ZNF804B: variants seen among roughly 807,000 people sequenced by gnomAD.
ZNF804B encodes zinc finger 804B.
ZNF804B carries 80 observed loss-of-function variants against 101.4 expected under a neutral mutation model. The ratio of observed to expected loss-of-function variants is 0.79; its 90% CI spans 0.66 to 0.95. The LOEUF (loss-of-function observed/expected upper bound fraction) is 0.95. Among genes scored for constraint, ZNF804B ranks in the 40% least tolerant of loss-of-function variants. The pLI is 0.00. For synonymous variants in ZNF804B, 622 were observed against 558.8 expected (o/e 1.11, Z -1.59); for missense variants, 1,673 against 1,561.9 (o/e 1.07, Z -1.20).
chr7:88,863,020 G>A (rs1402813318), intron 1 of ZNF804B, among the ~76,000 whole-genome samples: 1 of 152,244 alleles, frequency 6.6e-6, no homozygotes, highest in South Asian at 2.1e-4. Flanking sequence ...TGGCCATGAT[G>A]ATAAAAGCCT....
At chr7:88,966,534 C>A (rs973594375) in intron 1 of ZNF804B, among the ~76,000 whole-genome samples, 5 of 151,578 alleles carry the variant, frequency 3.3e-5, no homozygotes, top group African/African-American at 1.2e-4. Flanking sequence ...AGAAGAGTGA[C>A]GGCTCAGCCT....
At chr7:89,107,538 G>A (rs1790153223) in intron 1 of ZNF804B, among the ~76,000 whole-genome samples, 1 of 152,072 alleles carries the variant, frequency 6.6e-6, no homozygotes, top group Admixed American at 6.6e-5. Flanking sequence ...ATCTTTTTAG[G>A]ATTCTAAGTC....
intron 1 of ZNF804B, among the ~76,000 whole-genome samples, chr7:88,825,611 T>A (rs1229911625): frequency 6.6e-6 from 1 of 152,180 alleles, no homozygotes; most frequent in Non-Finnish European, 1.5e-5. Flanking sequence ...TCAGCATCAC[T>A]GTGTCCCTGG....
chr7:89,176,897 C>A (rs1791331506), intron 1 of ZNF804B, among the ~76,000 whole-genome samples: 1 of 151,816 alleles, frequency 6.6e-6, no homozygotes, highest in South Asian at 2.1e-4. Context: ...TTGGCCATTT[C>A]TTCTAGGTTT....
rs141004730 is a variant in ZNF804B at position 89,290,860 on chromosome 7, A to G, written c.250-36484A>G. Reference sequence around the variant, plus strand: ...AAGACCCAGTGCTGTGCTGGCTTCAAGTAAGACCTAGTAGAGTCCCAGTGG... The same window carrying G: ...AAGACCCAGTGCTGTGCTGGCTTCAGGTAAGACCTAGTAGAGTCCCAGTGG... On this transcript the variant is annotated intron_variant, in intron 2 of 3. Transcript: ENST00000333190. Among the ~76,000 whole-genome samples the G allele has an allele frequency of 3.9e-5, 6 of 152,296 alleles. No individual in the cohort carries two copies. The East Asian group carries it at 9.7e-4, about 25-fold the overall frequency.
chr7:89,127,090 T>A (rs1280984395), intron 1 of ZNF804B, among the ~76,000 whole-genome samples: 1 of 151,940 alleles, frequency 6.6e-6, no homozygotes, highest in Non-Finnish European at 1.5e-5. Flanking sequence ...GAACAGCTTA[T>A]AAGTTAGCCA....
intron 1 of ZNF804B, among the ~76,000 whole-genome samples, chr7:89,170,259 T>C (rs1000530318): frequency 2.0e-5 from 3 of 152,240 alleles, no homozygotes; most frequent in African/African-American, 7.2e-5. Flanking sequence ...GGATATTTTA[T>C]CTCATTTAGG....
chr7:89,321,756 G>A (rs966432150), intron 2 of ZNF804B, among the ~76,000 whole-genome samples: 2 of 145,626 alleles, frequency 1.4e-5, no homozygotes, highest in Non-Finnish European at 3.0e-5. Flanking sequence ...AAATTAAAAG[G>A]AAAAAAATCC....
Position 89,327,342 on chromosome 7 carries a change from A to T in ZNF804B, c.250-2A>T. On this transcript the variant is annotated splice_acceptor_variant, in intron 2 of 3. Transcript: ENST00000333190. LOFTEE classifies it high-confidence loss of function. ...CCTTTTTGGTTTTTCTTCTTTTTCA[A>T]GAGACTGAAAGAATTAAAGCAACGG... The T allele has an allele frequency of 6.3e-7, 1 of 1,584,028 alleles. No individual in the cohort carries two copies. Among genetic ancestry groups the T allele is most frequent in the Non-Finnish European group, 8.5e-7 (1 of 1,171,182 alleles).
intron 1 of ZNF804B, among the ~76,000 whole-genome samples, chr7:88,872,724 G>T (rs1053468046): frequency 2.5e-4 from 37 of 150,886 alleles, no homozygotes; most frequent in Admixed American, 1.7e-3. Context: ...GTGGCGTTTG[G>T]TTTTTTGTTC....
At position 88,791,915 on chromosome 7, in the gene ZNF804B, T is replaced by C. The variant is rs10268790; in HGVS notation, c.108+31831T>C. Among the ~76,000 whole-genome samples, 320 of 152,164 alleles carry C rather than the reference T, an allele frequency of 2.1e-3. 2 individuals carry two copies. Among genetic ancestry groups the C allele is most frequent in the African/African-American group, 7.4e-3 (309 of 41,540 alleles). On this transcript the variant is annotated intron_variant, in intron 1 of 3. Coordinates refer to ENST00000333190, the MANE Select transcript of ZNF804B (RefSeq NM_181646.5). ...AACAGCTCATTTCTTCTCCACACAATGTCAACTGAGCTGGCTTCCCAGGTT... is the reference window on the plus strand; with the variant it reads ...AACAGCTCATTTCTTCTCCACACAACGTCAACTGAGCTGGCTTCCCAGGTT...
intron 1 of ZNF804B, among the ~76,000 whole-genome samples, chr7:89,019,275 T>C (rs1223117286): frequency 6.6e-6 from 1 of 152,072 alleles, no homozygotes; most frequent in Non-Finnish European, 1.5e-5. Flanking sequence ...TTAATTTTTA[T>C]GTATGCATAT....
intron 2 of ZNF804B, among the ~76,000 whole-genome samples, chr7:89,307,002 T>C (rs548703410): frequency 6.6e-6 from 1 of 152,146 alleles, no homozygotes; most frequent in South Asian, 2.1e-4. Context: ...CTAAAAGGAC[T>C]GCATGCATCT....
intron 2 of ZNF804B, among the ~76,000 whole-genome samples, chr7:89,266,877 T>TGTGTGTG: frequency 6.6e-6 from 1 of 150,984 alleles, no homozygotes; most frequent in South Asian, 2.1e-4. Context: ...GTGTCTGTGT[T>TGTGTGTG]TGTGTGTGTG....
chr7:89,227,820 G>C (rs530122121), intron 2 of ZNF804B, among the ~76,000 whole-genome samples: 6 of 152,226 alleles, frequency 3.9e-5, no homozygotes, highest in African/African-American at 1.2e-4. Flanking sequence ...ACTTGCCTTT[G>C]GATGGCTTTC....
intron 2 of ZNF804B, among the ~76,000 whole-genome samples, chr7:89,232,745 TGTC>T (rs1383369671): frequency 6.6e-6 from 1 of 152,126 alleles, no homozygotes; most frequent in Non-Finnish European, 1.5e-5. Flanking sequence ...TGGTGACGCC[TGTC>T]TTCTCTATTT....
chr7:88,782,044 T>TA, intron 1 of ZNF804B, among the ~76,000 whole-genome samples: 1 of 152,156 alleles, frequency 6.6e-6, no homozygotes, highest in Non-Finnish European at 1.5e-5. Context: ...TGCTGCCTTA[T>TA]AAAAGGGCTT....
At chr7:89,315,033 C>T (rs935764835) in intron 2 of ZNF804B, among the ~76,000 whole-genome samples, 2 of 152,204 alleles carry the variant, frequency 1.3e-5, no homozygotes, top group African/African-American at 4.8e-5. Context: ...GCTTACAGTT[C>T]TGCAGACTGC....
chr7:89,260,057 A>G (rs1789687918), intron 2 of ZNF804B, among the ~76,000 whole-genome samples: 1 of 152,256 alleles, frequency 6.6e-6, no homozygotes, highest in East Asian at 1.9e-4. Flanking sequence ...GAAAGGAAGA[A>G]AAGCAAGAAA....
Sources: allele counts gnomAD v4.1 joint callset (sites outside exome capture counted in the v4.1 genomes callset), GRCh38; gene constraint gnomAD v4.1.1; transcripts MANE v1.5; gene names NCBI Gene and HGNC (gene_info 2026-07-23, HGNC 2026-07-21).